FLCN: variants seen among roughly 807,000 people sequenced by gnomAD.
The protein encoded by FLCN is folliculin.
A neutral mutation model predicts 62.5 loss-of-function variants in FLCN; 22 were observed. That is an observed-to-expected ratio of 0.35 (90% CI 0.25 to 0.50). The LOEUF is 0.50. Among genes scored for constraint, FLCN ranks in the 20% least tolerant of loss-of-function variants. The pLI, the probability that FLCN is intolerant of heterozygous loss-of-function variation, is 0.97. For missense variants in FLCN, 657 were observed against 778.0 expected, an observed-to-expected ratio of 0.84 and a Z score of 1.85; for synonymous variants, 319 against 310.0, an observed-to-expected ratio of 1.03 and a Z score of -0.30.
rs889112411 is a variant in FLCN, at chr17:17,213,030, C to T, written c.*625G>A. The T allele has an allele frequency of 8.3e-6, 2 of 241,466 alleles. No homozygotes were observed. The highest frequency in any genetic ancestry group is 2.2e-5 in the African/African-American group (1 of 45,344). The allele number at this position is 241,466 out of a possible 1,614,324, so 15.0% of individuals were successfully genotyped here. ...TCATTAAGCCCCAGGTTACCTTCAC[C>T]AGCACCTGCAGGGGAACACCCCAGA... On this transcript the variant is annotated 3_prime_UTR_variant, in exon 14 of 14. Transcript: ENST00000285071.
chr17:17,226,003 C>T (rs778300506), intron 5 of FLCN, 173 bp downstream of exon 5: 21 of 904,696 alleles, frequency 2.3e-5, no homozygotes, highest in South Asian at 1.6e-4. Flanking sequence ...TGACTCCTCC[C>T]GCAATTCTGG....
At chr17:17,220,131 A>C (rs575598468) in intron 8 of FLCN, 1 of 152,266 alleles carries the variant, frequency 6.6e-6, no homozygotes, top group South Asian at 2.1e-4. Context: ...CTGCAGCCTC[A>C]ATCTTCTGGG....
intron 4 of FLCN, 49 bp downstream of exon 4, chr17:17,227,840 C>T (rs1181290259): frequency 1.2e-6 from 2 of 1,613,536 alleles, no homozygotes; most frequent in East Asian, 4.5e-5. Flanking sequence ...TCCTGTCCAT[C>T]CCACACCTAC....
intron 9 of FLCN, among the ~76,000 whole-genome samples, chr17:17,218,388 T>G (rs1291489065): frequency 2.5e-5 from 3 of 119,874 alleles, no homozygotes; most frequent in African/African-American, 1.2e-4. Flanking sequence ...ATCACTTTCT[T>G]TTTTTTTTTT....
At chr17:17,215,459 T>C in intron 11 of FLCN, 143 bp from the exon 12 acceptor site, 2 of 1,335,034 alleles carry the variant, frequency 1.5e-6, no homozygotes, top group South Asian at 1.2e-5. Flanking sequence ...ATCAATGCTT[T>C]GGTATTTAAA....
At chr17:17,228,327 C>T (rs529727139) in intron 3 of FLCN, 166 bp from the exon 4 acceptor site, 7 of 752,488 alleles carry the variant, frequency 9.3e-6, no homozygotes, top group South Asian at 3.7e-5. Flanking sequence ...TGCCCCAGTG[C>T]GAGAGGAACA....
rs1453500684 is a variant in FLCN at position 17,216,625 on chromosome 17, AGAG to A, written c.1177-125_1177-123del. ...CCCGGTCCAAGCCCTCCCTCCTGCC[AGAG>A]GAGTCCCCAGACTCTCAGCCCACAG... On this transcript the variant is annotated intron_variant, in intron 10 of 13. Transcript: ENST00000285071. The surrounding 1 kb of genome is among the most constrained non-coding windows in gnomAD (Gnocchi z 4.0). The A allele has an allele frequency of 2.0e-6, 3 of 1,474,760 alleles. No individual in the cohort carries two copies. Among genetic ancestry groups the A allele is most frequent in the East Asian group, 2.4e-5 (1 of 40,966 alleles). The allele number at this position is 1,474,760 out of a possible 1,614,324, so 91.4% of individuals were successfully genotyped here.
At chr17:17,215,154 C>T in intron 12 of FLCN, 31 bp downstream of exon 12, 1 of 1,614,060 alleles carries the variant, frequency 6.2e-7, no homozygotes, top group Non-Finnish European at 8.5e-7. Context: ...CATCTTCTCA[C>T]AAAAAGGACA....
At chr17:17,226,548 C>G (rs1353992942) in intron 4 of FLCN, among the ~76,000 whole-genome samples, 2 of 152,194 alleles carry the variant, frequency 1.3e-5, no homozygotes. Flanking sequence ...ATTTGCTGAG[C>G]ACTTACGAAG....
Position 17,212,691 on chromosome 17 carries a change from CAGG to C in FLCN, c.*961_*963del, listed in dbSNP as rs1468497751. On this transcript the variant is annotated 3_prime_UTR_variant, in exon 14 of 14. Coordinates refer to ENST00000285071, the MANE Select transcript of FLCN (RefSeq NM_144997.7). ...GTTCCAGCTACTCTGGAGGCTGAGG[CAGG>C]AGAATTGCTTGAACCCAGGAGGCAG... is the stretch of plus-strand genomic sequence containing the variant. 2.2e-5 allele frequency: 4 copies of C among 180,852 alleles called. No individual in the cohort carries two copies. Among genetic ancestry groups the C allele is most frequent in the East Asian group, 1.8e-4 (2 of 11,024 alleles). The allele number at this position is 180,852 out of a possible 1,614,324, so 11.2% of individuals were successfully genotyped here.
At position 17,216,516 on chromosome 17, in the gene FLCN, G is replaced by A. The variant is rs549326333; in HGVS notation, c.1177-13C>T. On this transcript the variant is annotated splice_polypyrimidine_tract_variant and intron_variant, in intron 10 of 13. Coordinates refer to ENST00000285071, the MANE Select transcript of FLCN (RefSeq NM_144997.7). The surrounding 1 kb of genome is among the most constrained non-coding windows in gnomAD (Gnocchi z 4.0). ...CGGGAAGCATGGTCTGAGGAGGACA[G>A]CAGGACTCAGACCAAGGACACGAGG... is the stretch of plus-strand genomic sequence containing the variant. The A allele has an allele frequency of 2.5e-6, 4 of 1,613,568 alleles. No individual in the cohort carries two copies. Among genetic ancestry groups the A allele is most frequent in the African/African-American group, 1.3e-5 (1 of 75,032 alleles).
chr17:17,228,305 C>A, intron 3 of FLCN, 144 bp from the exon 4 acceptor site: 4 of 978,794 alleles, frequency 4.1e-6, no homozygotes, highest in Non-Finnish European at 5.9e-6. Flanking sequence ...CAGCCCCCTG[C>A]CAGCACTGCT....
intron 6 of FLCN, 140 bp downstream of exon 6, chr17:17,223,782 A>G: frequency 1.1e-6 from 1 of 872,132 alleles, no homozygotes; most frequent in Non-Finnish European, 1.8e-6. Context: ...CTCTGAAGCC[A>G]AGAGACTACA....
At chr17:17,215,822 G>C (rs2144848397) in intron 11 of FLCN, among the ~76,000 whole-genome samples, 1 of 152,304 alleles carries the variant, frequency 6.6e-6, no homozygotes, top group Middle Eastern at 3.4e-3. Flanking sequence ...AGCAGCTGCT[G>C]GTCACCGCTG....
In FLCN at chr17:17,222,589, G is replaced by A. The variant is rs2144950330; in HGVS notation, c.691C>T (p.His231Tyr). 6.2e-7 allele frequency: 1 copy of A among 1,614,254 alleles called. No homozygotes were observed. The highest frequency in any genetic ancestry group is 1.6e-4 in the Middle Eastern group (1 of 6,062). The change falls in exon 7 of 14, where the codon CAC becomes TAC. Residue 231 changes from histidine (H) to tyrosine (Y), a missense_variant. His to Tyr is a moderately conservative substitution (Grantham distance 83). Coordinates refer to ENST00000285071, the MANE Select transcript of FLCN (RefSeq NM_144997.7). Reference protein sequence around the residue: ...RMNTAFTPFLHQRNGNAARSL... With the variant: ...RMNTAFTPFLYQRNGNAARSL... ...CGGGCGGCGTTGCCGTTCCTCTGGT[G>A]TAGGAATGGCGTGAAGGCTGTGTTC...
chr17:17,215,688 CT>C (rs2046897715), intron 11 of FLCN, among the ~76,000 whole-genome samples: 1 of 152,178 alleles, frequency 6.6e-6, no homozygotes, highest in Admixed American at 6.5e-5. Context: ...AATTTGAAGT[CT>C]GTTTGAAACC....
At chr17:17,227,009 C>A (rs2145024410) in intron 4 of FLCN, among the ~76,000 whole-genome samples, 1 of 152,338 alleles carries the variant, frequency 6.6e-6, no homozygotes, top group Middle Eastern at 3.4e-3. Flanking sequence ...CTCAAGGATG[C>A]CCCAGCAGCC....
intron 13 of FLCN, 61 bp from the exon 14 acceptor site, chr17:17,213,917 CG>C: frequency 3.2e-6 from 5 of 1,576,098 alleles, no homozygotes; most frequent in Non-Finnish European, 4.3e-6. Flanking sequence ...GCCCTGGTCA[CG>C]GGGCCAACCA....
At chr17:17,215,820 C>T (rs1203478140) in intron 11 of FLCN, among the ~76,000 whole-genome samples, 1 of 152,186 alleles carries the variant, frequency 6.6e-6, no homozygotes, top group East Asian at 1.9e-4. Context: ...TCAGCAGCTG[C>T]TGGTCACCGC....
Sources: gnomAD v4.1 joint callset for allele counts (sites outside exome capture counted in the v4.1 genomes callset) on GRCh38, gnomAD v4.1.1 for gene constraint, Gnocchi (gnomAD v3.1) non-coding constraint, MANE v1.5 for transcripts, NCBI Gene and HGNC (gene_info 2026-07-23, HGNC 2026-07-21) for gene names.